The following RALGAPB variants were observed in gnomAD, a reference collection of about 807,000 sequenced individuals.
RALGAPB encodes Ral GTPase activating protein non-catalytic subunit beta.
In RALGAPB, 25 loss-of-function variants were observed where a neutral mutation model predicts 161.1. That is an observed-to-expected ratio of 0.16 (90% CI 0.11 to 0.22). RALGAPB has a LOEUF of 0.22. Among genes scored for constraint, RALGAPB ranks in the 10% least tolerant of loss-of-function variants. RALGAPB has a pLI of 1.00. For synonymous variants in RALGAPB, 629 were observed against 626.1 expected (o/e 1.00, Z -0.07); for missense variants, 1,391 against 1,815.2 (o/e 0.77, Z 4.25).
At chr20:38,485,854 A>AT (rs1186516574) in intron 1 of RALGAPB, among the ~76,000 whole-genome samples, 2 of 149,720 alleles carry the variant, frequency 1.3e-5, no homozygotes, top group Non-Finnish European at 3.0e-5. Context: ...ATTATAATGC[A>AT]TTTCTTTGTT....
chr20:38,523,693 T>C (rs1420177264), intron 10 of RALGAPB, among the ~76,000 whole-genome samples: 1 of 152,224 alleles, frequency 6.6e-6, no homozygotes. Context: ...TTAGAATGAT[T>C]TGATTATATT....
chr20:38,497,831 G>A (rs998659230), intron 4 of RALGAPB, among the ~76,000 whole-genome samples: 4 of 152,076 alleles, frequency 2.6e-5, no homozygotes, highest in African/African-American at 9.7e-5. Flanking sequence ...CACTTTGGGA[G>A]GCCAAGGCAG....
Position 38,493,098 on chromosome 20 carries a change from A to G in RALGAPB, c.355A>G (p.Ile119Val), listed in dbSNP as rs144960762. 1.6e-5 allele frequency: 25 copies of G among 1,610,410 alleles called. No homozygotes were observed. Among genetic ancestry groups the G allele is most frequent in the South Asian group, 2.2e-5 (2 of 90,990 alleles). ...IKEPNQYVQT[I>V]LKHLQNLFVP... is the part of the protein sequence containing the mutation. Reference sequence around the variant, plus strand: ...AGAGCCTAATCAATATGTTCAAACTATACTAAAACACCTACAGAATCTTTT... The same window carrying G: ...AGAGCCTAATCAATATGTTCAAACTGTACTAAAACACCTACAGAATCTTTT... Residue 119 changes from isoleucine to valine, a missense_variant, in exon 3 of 30, where the codon ATA (isoleucine) becomes GTA (valine). Physicochemically the swap from Ile to Val is conservative, Grantham distance 29 (BLOSUM62 3). This residue lies in a region of RALGAPB where 946 missense variants were observed against 1,257.2 expected (regional missense o/e 0.75). Transcript: ENST00000262879.
In RALGAPB at chr20:38,517,564, G is replaced by T. The variant is rs1445563648; in HGVS notation, c.1110G>T (p.Met370Ile). Residue 370 changes from methionine (M) to isoleucine (I), a missense_variant, in exon 8 of 30, where the codon ATG becomes ATT. Physicochemically the swap from Met to Ile is conservative, Grantham distance 10. Around this residue, in one of 3 missense-constraint regions of RALGAPB, gnomAD observed 946 missense variants for 1,257.2 expected, o/e 0.75. Coordinates refer to ENST00000262879, the MANE Select transcript of RALGAPB (RefSeq NM_020336.4). The stretch of plus-strand genomic sequence containing the variant: ...CAACACCCGTGAATAGATTAAGTAT[G>T]CCTCAAAGTGCTGCTGTCAGTACCA... Reference protein sequence around the residue: ...APPTPVNRLSMPQSAAVSTTP... With the variant: ...APPTPVNRLSIPQSAAVSTTP... 6.2e-7 allele frequency: 1 copy of T among 1,613,110 alleles called. No individual in the cohort carries two copies. The highest frequency in any genetic ancestry group is 1.1e-5 in the South Asian group (1 of 91,028).
intron 1 of RALGAPB, among the ~76,000 whole-genome samples, chr20:38,479,600 T>C (rs1328697265): frequency 2.0e-5 from 3 of 152,140 alleles, no homozygotes; most frequent in Non-Finnish European, 4.4e-5. Context: ...GGGAAGGAAA[T>C]TAAGGGATCT....
At chr20:38,555,044 A>G (rs1452579993) in intron 22 of RALGAPB, among the ~76,000 whole-genome samples, 1 of 152,024 alleles carries the variant, frequency 6.6e-6, no homozygotes, top group African/African-American at 2.4e-5. Flanking sequence ...TGGTCACTCC[A>G]CTCCACTCCA....
At chr20:38,489,088 A>G (rs919536616) in intron 2 of RALGAPB, among the ~76,000 whole-genome samples, 1 of 152,044 alleles carries the variant, frequency 6.6e-6, no homozygotes, top group Non-Finnish European at 1.5e-5. Flanking sequence ...CCCCATCCCT[A>G]CCTACTCCTT....
chr20:38,525,768 G>T, intron 12 of RALGAPB, 127 bp from the exon 13 acceptor site: 1 of 990,708 alleles, frequency 1.0e-6, no homozygotes, highest in East Asian at 2.5e-5. Context: ...GACAGATTCA[G>T]CACAGTGGCT....
At chr20:38,482,426 C>CTTTTT (rs386393725) in intron 1 of RALGAPB, among the ~76,000 whole-genome samples, 11 of 121,342 alleles carry the variant, frequency 9.1e-5, no homozygotes, top group Non-Finnish European at 1.3e-4. Flanking sequence ...GTATGTTTAT[C>CTTTTT]TTTTTTTTTT....
chr20:38,512,121 T>C (rs747236420), intron 6 of RALGAPB, among the ~76,000 whole-genome samples: 1 of 152,270 alleles, frequency 6.6e-6, no homozygotes, highest in Non-Finnish European at 1.5e-5. Context: ...TTGTTGCTGA[T>C]GTTTTGAAAA....
In RALGAPB at chr20:38,570,016, T is replaced by C; in HGVS notation, c.4063+20T>C. The C allele has an allele frequency of 6.3e-7, 1 of 1,581,478 alleles. No individual in the cohort carries two copies. Among genetic ancestry groups the C allele is most frequent in the Non-Finnish European group, 8.7e-7 (1 of 1,150,974 alleles). ...ATATAGGTACTGTATGAGGACTTTG[T>C]CCATAAATAAAATGGCAATATATGA... On this transcript the variant is annotated intron_variant, in intron 27 of 29. Coordinates refer to ENST00000262879, the MANE Select transcript of RALGAPB (RefSeq NM_020336.4).
At chr20:38,497,662 C>A in intron 4 of RALGAPB, 146 bp downstream of exon 4, 1 of 891,896 alleles carries the variant, frequency 1.1e-6, no homozygotes, top group Non-Finnish European at 1.7e-6. Context: ...AATGGAAACT[C>A]TCAGGCACAA....
chr20:38,499,722 G>A (rs2085523018), intron 5 of RALGAPB, 89 bp downstream of exon 5: 8 of 1,299,988 alleles, frequency 6.2e-6, no homozygotes, highest in Non-Finnish European at 8.3e-6. Flanking sequence ...AACAAAGGCT[G>A]GGTCTGTTAT....
chr20:38,516,778 C>G (rs2086137917), intron 7 of RALGAPB: 1 of 158,216 alleles, frequency 6.3e-6, no homozygotes. Flanking sequence ...GCATTTGGGA[C>G]CATTCTCATG....
intron 18 of RALGAPB, 118 bp from the exon 19 acceptor site, chr20:38,546,125 A>G: frequency 6.5e-7 from 1 of 1,537,456 alleles, no homozygotes; most frequent in Non-Finnish European, 8.8e-7. Flanking sequence ...CTGACCTGTC[A>G]AGAAGCATGG....
chr20:38,505,535 G>C (rs1243291673), intron 5 of RALGAPB, among the ~76,000 whole-genome samples: 1 of 152,154 alleles, frequency 6.6e-6, no homozygotes, highest in Non-Finnish European at 1.5e-5. Flanking sequence ...TGTACCTCCT[G>C]AATCTAAAAT....
At chr20:38,529,927 C>T (rs372260641) in intron 13 of RALGAPB, among the ~76,000 whole-genome samples, 14 of 152,272 alleles carry the variant, frequency 9.2e-5, no homozygotes, top group Admixed American at 5.9e-4. Context: ...TAAGATAAAT[C>T]GTCTCAACTG....
intron 5 of RALGAPB, among the ~76,000 whole-genome samples, chr20:38,506,248 A>G (rs147870542): frequency 0.011 from 1,600 of 151,852 alleles, 28 homozygotes; most frequent in African/African-American, 0.037. Context: ...GTTCTGCGTC[A>G]ATCCCCTATA....
chr20:38,533,015 AT>A (rs2086703572), intron 15 of RALGAPB, among the ~76,000 whole-genome samples, 156 bp downstream of exon 15: 1 of 152,190 alleles, frequency 6.6e-6, no homozygotes, highest in South Asian at 2.1e-4. Context: ...GAAAAAACAA[AT>A]CTTTTTGATT....
Sources: gnomAD v4.1 joint callset for allele counts (sites outside exome capture counted in the v4.1 genomes callset) on GRCh38, gnomAD v4.1.1 for gene constraint, gnomAD v4.1.1 regional missense constraint, MANE v1.5 for transcripts, NCBI Gene and HGNC (gene_info 2026-07-23, HGNC 2026-07-21) for gene names.